Variants in RC3H2 observed in about 807,000 individuals in gnomAD.
RC3H2 encodes the protein ring finger and CCCH-type domains 2.
RC3H2 carries 31 observed loss-of-function variants against 133.3 expected under a neutral mutation model. The observed-to-expected ratio is 0.23, with a 90% CI of 0.17 to 0.31. RC3H2 has a LOEUF of 0.31. Ranked by LOEUF, RC3H2 falls within the 10% of genes least tolerant of loss-of-function variation. The pLI, the probability that RC3H2 is intolerant of heterozygous loss-of-function variation, is 1.00. For missense variants in RC3H2, 1,175 were observed against 1,437.2 expected, an observed-to-expected ratio of 0.82 and a Z score of 2.95; for synonymous variants, 517 against 502.2, an observed-to-expected ratio of 1.03 and a Z score of -0.40.
At position 122,876,703 on chromosome 9, in the gene RC3H2, A is replaced by C. The variant is rs181883544; in HGVS notation, c.1325+768T>G. The stretch of plus-strand genomic sequence containing the variant: ...GGATCAATTTTTTGGTGAGGTCTCA[A>C]AAATGAAAGTCTTAGTTAAAAAACA... On this transcript the variant is annotated intron_variant, in intron 9 of 20. Coordinates refer to ENST00000357244, the MANE Select transcript of RC3H2 (RefSeq NM_001100588.3). Among the ~76,000 whole-genome samples the C allele has an allele frequency of 2.2e-4, 33 of 152,286 alleles. No homozygotes were observed. The East Asian group carries it at 6.2e-3, about 28-fold the overall frequency.
chr9:122,845,194 A>C lies in RC3H2; in HGVS notation c.*4433T>G, dbSNP rs1829843332. ...CCAGCTAAGCAAATTTATAAAATGT[A>C]ATCAATGCAACAAGAAAAACATTTC... On this transcript the variant is annotated 3_prime_UTR_variant, in exon 21 of 21. Transcript: ENST00000357244. 6.6e-6 allele frequency: 1 copy of C among 152,248 alleles called. No individual in the cohort carries two copies. The highest frequency in any genetic ancestry group is 6.5e-5 in the Admixed American group (1 of 15,286). The allele number at this position is 152,248 out of a possible 1,614,324, so 9.4% of individuals were successfully genotyped here.
rs1267785021 is a variant in RC3H2 at position 122,846,321 on chromosome 9, C to T, written c.*3306G>A. The T allele has an allele frequency of 5.3e-5, 8 of 152,176 alleles. No homozygotes were observed. Among genetic ancestry groups the T allele is most frequent in the African/African-American group, 1.7e-4 (7 of 41,440 alleles). 9.4% of individuals were successfully genotyped at this position (152,176 alleles called of 1,614,324 possible). A position where few individuals can be genotyped will look rare whatever the true frequency, so the allele number is the denominator to read the frequency against. ...CTATGATGGGAAGGAAAAATCAGTG[C>T]CACTGGCCTAATGAACTCCCTTTTT... On this transcript the variant is annotated 3_prime_UTR_variant, in exon 21 of 21. Coordinates refer to ENST00000357244, the MANE Select transcript of RC3H2 (RefSeq NM_001100588.3).
intron 1 of RC3H2, among the ~76,000 whole-genome samples, chr9:122,900,748 G>A (rs1413096095): frequency 3.9e-5 from 6 of 151,958 alleles, no homozygotes; most frequent in African/African-American, 1.5e-4. Flanking sequence ...AGATAAAATG[G>A]ACTAAAAGGC....
intron 5 of RC3H2, among the ~76,000 whole-genome samples, chr9:122,881,128 G>C (rs1458705131): frequency 6.6e-6 from 1 of 152,168 alleles, no homozygotes; most frequent in Non-Finnish European, 1.5e-5. Context: ...TTCAGAAAAG[G>C]CTTCTCCCAG....
chr9:122,850,234 C>T (rs1829968734), intron 20 of RC3H2, among the ~76,000 whole-genome samples: 1 of 151,990 alleles, frequency 6.6e-6, no homozygotes, highest in African/African-American at 2.4e-5. Context: ...CTCGGCCTCC[C>T]AAAGTGCTGG....
At chr9:122,852,573 G>C (rs1830086147) in intron 18 of RC3H2, among the ~76,000 whole-genome samples, 1 of 150,534 alleles carries the variant, frequency 6.6e-6, no homozygotes, top group Non-Finnish European at 1.5e-5. Context: ...CCCCGTCCGG[G>C]AGGGAGGTGT....
At chr9:122,872,942 T>C (rs1052081252) in intron 9 of RC3H2, among the ~76,000 whole-genome samples, 3 of 152,226 alleles carry the variant, frequency 2.0e-5, no homozygotes, top group Non-Finnish European at 4.4e-5. Flanking sequence ...ATGTAGCAAT[T>C]CTTTGGAACA....
At chr9:122,872,075 G>GC (rs1445938316) in intron 9 of RC3H2, among the ~76,000 whole-genome samples, 3 of 152,102 alleles carry the variant, frequency 2.0e-5, no homozygotes, top group Admixed American at 6.6e-5. Context: ...ACCTCACCCG[G>GC]CCCCCAATTA....
At chr9:122,850,139 G>C (rs1829965615) in intron 20 of RC3H2, among the ~76,000 whole-genome samples, 1 of 151,982 alleles carries the variant, frequency 6.6e-6, no homozygotes, top group East Asian at 1.9e-4. Flanking sequence ...ACCACGCCCA[G>C]CTATTTTGTA....
At chr9:122,870,314 G>A (rs1029789388) in intron 9 of RC3H2, among the ~76,000 whole-genome samples, 1 of 151,800 alleles carries the variant, frequency 6.6e-6, no homozygotes, top group African/African-American at 2.4e-5. Context: ...GACAGAGGTT[G>A]CAGTGAGCCG....
intron 5 of RC3H2, among the ~76,000 whole-genome samples, chr9:122,881,271 G>C (rs1334583959): frequency 6.6e-6 from 1 of 152,034 alleles, no homozygotes; most frequent in African/African-American, 2.4e-5. Flanking sequence ...CAGATCACTT[G>C]AAGTCAGGAG....
At chr9:122,870,422 AAC>A (rs1831033816) in intron 9 of RC3H2, among the ~76,000 whole-genome samples, 8 of 151,794 alleles carry the variant, frequency 5.3e-5, no homozygotes, top group Admixed American at 2.0e-4. Flanking sequence ...ACAAAAAAAA[AAC>A]AACAAACTGA....
chr9:122,861,490 C>CAA (rs1197442646), intron 10 of RC3H2, among the ~76,000 whole-genome samples: 861 of 55,612 alleles, frequency 0.015, 6 homozygotes, highest in African/African-American at 0.043. Context: ...AACTCCGTCT[C>CAA]AAAAAAAAAA....
rs2131373570 is a variant in RC3H2, at chr9:122,847,302, C to T, written c.*2325G>A. On this transcript the variant is annotated 3_prime_UTR_variant, in exon 21 of 21. Coordinates refer to ENST00000357244, the MANE Select transcript of RC3H2 (RefSeq NM_001100588.3). Reference sequence around the variant, plus strand: ...AAGATCAATTTATGTAGTATATATTCACCCTCAGAACGTGCTGAAGATGTT... The same window carrying T: ...AAGATCAATTTATGTAGTATATATTTACCCTCAGAACGTGCTGAAGATGTT... 6.6e-6 allele frequency: 1 copy of T among 152,176 alleles called. No homozygotes were observed. Among genetic ancestry groups the T allele is most frequent in the East Asian group, 1.9e-4 (1 of 5,188 alleles). 9.4% of individuals were successfully genotyped at this position (152,176 alleles called of 1,614,324 possible).
chr9:122,877,321 C>T, intron 9 of RC3H2, 150 bp downstream of exon 9: 2 of 609,644 alleles, frequency 3.3e-6, no homozygotes, highest in Non-Finnish European at 5.8e-6. Context: ...CTGCCTCAGC[C>T]CCGCAAACTG....
Position 122,849,250 on chromosome 9 carries a change from T to G in RC3H2, c.*377A>C. Reference sequence around the variant, plus strand: ...AAGTCTACTTTCACTAGATGTATCATTGTAGGATCCTGCTAGTTTAATAAC... The same window carrying G: ...AAGTCTACTTTCACTAGATGTATCAGTGTAGGATCCTGCTAGTTTAATAAC... On this transcript the variant is annotated 3_prime_UTR_variant, in exon 21 of 21. Coordinates refer to ENST00000357244, the MANE Select transcript of RC3H2 (RefSeq NM_001100588.3). The G allele has an allele frequency of 6.6e-6, 1 of 152,170 alleles. No individual in the cohort carries two copies. Among genetic ancestry groups the G allele is most frequent in the East Asian group, 1.9e-4 (1 of 5,208 alleles). The allele number at this position is 152,170 out of a possible 1,614,324, so 9.4% of individuals were successfully genotyped here.
At chr9:122,871,226 T>A (rs992385591) in intron 9 of RC3H2, among the ~76,000 whole-genome samples, 1 of 152,136 alleles carries the variant, frequency 6.6e-6, no homozygotes, top group Non-Finnish European at 1.5e-5. Context: ...TTTGCCTTCC[T>A]CTAAGACTTC....
At chr9:122,874,966 G>A (rs2131443732) in intron 9 of RC3H2, 1 of 492,050 alleles carries the variant, frequency 2.0e-6, no homozygotes, top group East Asian at 3.1e-5. Context: ...ACTAATTGAG[G>A]GTGGAATGGC....
At chr9:122,877,127 G>A (rs1263662326) in intron 9 of RC3H2, among the ~76,000 whole-genome samples, 1 of 152,210 alleles carries the variant, frequency 6.6e-6, no homozygotes, top group Non-Finnish European at 1.5e-5. Flanking sequence ...CTGGAGTGCA[G>A]TGGTGTGAAC....
Sources: gnomAD v4.1 joint callset for allele counts (sites outside exome capture counted in the v4.1 genomes callset) on GRCh38, gnomAD v4.1.1 for gene constraint, MANE v1.5 for transcripts, NCBI Gene and HGNC (gene_info 2026-07-23, HGNC 2026-07-21) for gene names.